Variants in AGBL1 observed in about 807,000 individuals in gnomAD.
AGBL1 encodes AGBL carboxypeptidase 1.
A neutral mutation model predicts 118.9 loss-of-function variants in AGBL1; 130 were observed. The observed-to-expected ratio is 1.09, with a 90% CI of 0.95 to 1.26. AGBL1 has a LOEUF of 1.26. Among genes scored for constraint, AGBL1 ranks in the 50% most tolerant of loss-of-function variants. The probability of loss-of-function intolerance (pLI) is 0.00; values close to 1 mark genes in which losing one functional copy is unlikely to be tolerated. For synonymous variants in AGBL1, 555 were observed against 478.9 expected, an observed-to-expected ratio of 1.16 and a Z score of -2.08; for missense variants, 1,584 against 1,298.1, an observed-to-expected ratio of 1.22 and a Z score of -3.38.
intron 22 of AGBL1, among the ~76,000 whole-genome samples, chr15:86,883,631 C>A (rs1044214843): frequency 2.6e-5 from 4 of 152,146 alleles, no homozygotes; most frequent in African/African-American, 9.7e-5. Context: ...GCCCATCTCG[C>A]CCCGACTCCA....
Position 86,674,293 on chromosome 15 carries a change from A to C in AGBL1, c.3015A>C (p.Arg1005Ser). 6.2e-7 allele frequency: 1 copy of C among 1,611,440 alleles called. No homozygotes were observed. ...GPYQGLQFGT[R>S]ELEEMGAMFC... ...GGCAGGGTCTACAGTTTGGTACCAG[A>C]GAACTGGAGGAGATGGGAGCCATGT... Residue 1005 changes from arginine (R) to serine (S), a missense_variant, in exon 22 of 23, where the codon AGA becomes AGC. By Grantham distance (110) the Arg-to-Ser change is moderately radical. Transcript: ENST00000614907.
intron 18 of AGBL1, among the ~76,000 whole-genome samples, chr15:86,431,695 T>C (rs933802836): frequency 6.6e-6 from 1 of 152,268 alleles, no homozygotes; most frequent in African/African-American, 2.4e-5. Flanking sequence ...CATTTCTAAA[T>C]GTTAATGCTT....
In AGBL1 at chr15:86,264,549, CA is replaced by C. The variant is rs754269393; in HGVS notation, c.1379del (p.Gln460ArgfsTer11). On this transcript the variant is annotated frameshift_variant, in exon 11 of 23. Coordinates refer to ENST00000614907, the MANE Select transcript of AGBL1 (RefSeq NM_001386094.1). LOFTEE classifies it high-confidence loss of function. ...TTCTGAAAGTGAAATCCCTGACATT[CA>C]GGCTTCCCCGAAAGCAGATGCCTGG... ...DSSESEIPDI[Q>X]ASPKADAWDV... The C allele has an allele frequency of 6.2e-7, 1 of 1,614,038 alleles. No individual in the cohort carries two copies. The highest frequency in any genetic ancestry group is 8.5e-7 in the Non-Finnish European group (1 of 1,179,886).
chr15:86,378,391 C>G (rs890860173), intron 17 of AGBL1, among the ~76,000 whole-genome samples: 1 of 152,114 alleles, frequency 6.6e-6, no homozygotes, highest in African/African-American at 2.4e-5. Flanking sequence ...TCCCATCGGC[C>G]TTCCTCTCTT....
At chr15:86,339,832 T>A (rs924600088) in intron 17 of AGBL1, among the ~76,000 whole-genome samples, 22 of 152,066 alleles carry the variant, frequency 1.4e-4, no homozygotes, top group Non-Finnish European at 2.8e-4. Flanking sequence ...CTGGGCGTAG[T>A]GGCGCATGCC....
At chr15:86,697,999 C>T (rs2142631716) in intron 22 of AGBL1, among the ~76,000 whole-genome samples, 1 of 152,092 alleles carries the variant, frequency 6.6e-6, no homozygotes, top group South Asian at 2.1e-4. Context: ...CTTAGCTTTC[C>T]TAGTATATTC....
chr15:86,285,839 G>C (rs1162620520), intron 16 of AGBL1, among the ~76,000 whole-genome samples: 1 of 152,178 alleles, frequency 6.6e-6, no homozygotes, highest in African/African-American at 2.4e-5. Context: ...TTGGGAGCCT[G>C]TCCAGCCAAC....
At chr15:86,906,812 T>C (rs755337531) in intron 22 of AGBL1, among the ~76,000 whole-genome samples, 18 of 151,866 alleles carry the variant, frequency 1.2e-4, no homozygotes, top group Non-Finnish European at 2.2e-4. Flanking sequence ...TTGTTACAAC[T>C]TTCCCCCCCA....
intron 23 of AGBL1, among the ~76,000 whole-genome samples, chr15:86,985,922 C>CT (rs57966049): frequency 0.048 from 7,183 of 148,950 alleles, 231 homozygotes; most frequent in African/African-American, 0.073. Context: ...GGATAGCAAT[C>CT]TTTTTTTTTT....
chr15:86,731,221 A>T (rs2077523450), intron 22 of AGBL1, among the ~76,000 whole-genome samples: 1 of 152,166 alleles, frequency 6.6e-6, no homozygotes, highest in African/African-American at 2.4e-5. Context: ...CTGGAATGAT[A>T]GTAGGTTCAG....
chr15:86,257,753 A>G (rs1028912080), intron 8 of AGBL1, among the ~76,000 whole-genome samples: 2 of 152,188 alleles, frequency 1.3e-5, no homozygotes, highest in Non-Finnish European at 2.9e-5. Flanking sequence ...ATAACTGTTT[A>G]AACTTTATGA....
At position 86,613,818 on chromosome 15, in the gene AGBL1, T is replaced by C. The variant is rs1269798984; in HGVS notation, c.2994+59281T>C. On this transcript the variant is annotated intron_variant, in intron 21 of 22. Transcript: ENST00000614907. The surrounding 1 kb of genome is among the most constrained non-coding windows in gnomAD (Gnocchi z 4.2). Reference sequence around the variant, plus strand: ...ATCCCAGACCTACTGAATTAGAATATGTAGCATAGTAAGATTCTTGAGTGA... The same window carrying C: ...ATCCCAGACCTACTGAATTAGAATACGTAGCATAGTAAGATTCTTGAGTGA... Among the ~76,000 whole-genome samples the C allele has an allele frequency of 2.0e-5, 3 of 152,202 alleles. No homozygotes were observed. The highest frequency in any genetic ancestry group is 2.9e-5 in the Non-Finnish European group (2 of 68,036).
chr15:86,419,003 C>T (rs1407331705), intron 18 of AGBL1, among the ~76,000 whole-genome samples: 2 of 152,020 alleles, frequency 1.3e-5, no homozygotes, highest in Non-Finnish European at 1.5e-5. Flanking sequence ...ACCAAGTTCC[C>T]TCTTGGATAT....
intron 22 of AGBL1, among the ~76,000 whole-genome samples, chr15:86,884,244 G>C (rs531129851): frequency 4.9e-4 from 74 of 152,280 alleles, no homozygotes; most frequent in Non-Finnish European, 1.0e-3. Flanking sequence ...AACCAGGATG[G>C]CTGAGTGACT....
At chr15:86,184,305 T>G (rs2077593787) in intron 5 of AGBL1, among the ~76,000 whole-genome samples, 4 of 152,292 alleles carry the variant, frequency 2.6e-5, no homozygotes, top group Admixed American at 2.6e-4. Context: ...TAATTAGTCA[T>G]AAGGTCCATA....
At chr15:86,923,625 C>T (rs750270355) in intron 23 of AGBL1, among the ~76,000 whole-genome samples, 1 of 152,168 alleles carries the variant, frequency 6.6e-6, no homozygotes, top group Non-Finnish European at 1.5e-5. Context: ...TGTTGTGGTT[C>T]AATGCTTCAC....
At chr15:86,256,755 CTGTGCTGTGTTA>C in intron 7 of AGBL1, 86 bp from the exon 8 acceptor site, 1 of 1,234,074 alleles carries the variant, frequency 8.1e-7, no homozygotes, top group Non-Finnish European at 1.1e-6. Flanking sequence ...AGCTAGGAGA[CTGTGCTGTGTTA>C]CAGCTTGGAG....
chr15:86,987,486 T>A (rs2081296952), intron 23 of AGBL1, among the ~76,000 whole-genome samples: 1 of 152,208 alleles, frequency 6.6e-6, no homozygotes, highest in Non-Finnish European at 1.5e-5. Flanking sequence ...TTTATTTCTT[T>A]GCTTGACTTA....
chr15:86,988,137 T>G, intron 24 of AGBL1: 1 of 1,593,084 alleles, frequency 6.3e-7, no homozygotes, highest in Non-Finnish European at 8.6e-7. Context: ...CGGGGATTGC[T>G]GGATGAAATA....
Sources: allele counts gnomAD v4.1 joint callset (sites outside exome capture counted in the v4.1 genomes callset), GRCh38; gene constraint gnomAD v4.1.1; non-coding constraint Gnocchi (gnomAD v3.1); transcripts MANE v1.5; gene names NCBI Gene and HGNC (gene_info 2026-07-23, HGNC 2026-07-21).